POU2F1: variants seen among roughly 807,000 people sequenced by gnomAD.
POU2F1 encodes POU domain, class 2, transcription factor 1.
In POU2F1, 16 loss-of-function variants were observed where a neutral mutation model predicts 84.9. The ratio of observed to expected loss-of-function variants is 0.19; its 90% confidence interval spans 0.13 to 0.29. POU2F1 has a LOEUF of 0.29. Among genes scored for constraint, POU2F1 ranks in the 10% least tolerant of loss-of-function variants. The pLI is 1.00. For synonymous variants in POU2F1, 368 were observed against 368.3 expected (o/e 1.00, Z 0.01); for missense variants, 738 against 942.6 (o/e 0.78, Z 2.84).
At chr1:167,269,349 GT>G (rs1652199189) in intron 1 of POU2F1, among the ~76,000 whole-genome samples, 1 of 152,156 alleles carries the variant, frequency 6.6e-6, no homozygotes. Context: ...ACTGTTAACC[GT>G]TGAGAAAAAC....
intron 1 of POU2F1, among the ~76,000 whole-genome samples, chr1:167,330,389 C>T (rs1657001635): frequency 6.6e-6 from 1 of 152,066 alleles, no homozygotes; most frequent in South Asian, 2.1e-4. Context: ...CAGTAAAAGC[C>T]ACTATGTAAA....
At chr1:167,361,895 GT>G (rs1214120019) in intron 2 of POU2F1, among the ~76,000 whole-genome samples, 1 of 151,644 alleles carries the variant, frequency 6.6e-6, no homozygotes, top group Non-Finnish European at 1.5e-5. Context: ...ATCTTGAATG[GT>G]TTTTTTTCTA....
intron 15 of POU2F1, among the ~76,000 whole-genome samples, chr1:167,415,070 C>G (rs1650212512): frequency 6.6e-6 from 1 of 152,228 alleles, no homozygotes; most frequent in African/African-American, 2.4e-5. Context: ...ATGCCCACCA[C>G]TCACCTCCTG....
At chr1:167,363,715 G>A (rs139289513) in intron 2 of POU2F1, among the ~76,000 whole-genome samples, 1 of 152,154 alleles carries the variant, frequency 6.6e-6, no homozygotes, top group Non-Finnish European at 1.5e-5. Flanking sequence ...TCTATTTGTG[G>A]AAGACTTTAG....
chr1:167,308,949 T>C (rs964820044), intron 1 of POU2F1, among the ~76,000 whole-genome samples: 1 of 152,254 alleles, frequency 6.6e-6, no homozygotes, highest in Non-Finnish European at 1.5e-5. Context: ...TATATCTGTA[T>C]GGACTCATGA....
At chr1:167,355,383 T>C (rs1231509099) in intron 2 of POU2F1, among the ~76,000 whole-genome samples, 1 of 152,174 alleles carries the variant, frequency 6.6e-6, no homozygotes, top group East Asian at 1.9e-4. Context: ...TTGATCCCTA[T>C]GCTAATACCA....
In POU2F1 at chr1:167,381,682, C is replaced by G. The variant is rs150027978; in HGVS notation, c.719-2175C>G. On this transcript the variant is annotated intron_variant, in intron 7 of 15. Coordinates refer to ENST00000367866, the MANE Select transcript of POU2F1 (RefSeq NM_002697.4). ...CTGGAGTACAGTGGCGCAGTCTTGT[C>G]TTAACACAACCTCTGCCTCCTGGGT... Among the ~76,000 whole-genome samples the G allele has an allele frequency of 6.5e-3, 777 of 118,692 alleles. 10 individuals carry two copies. The highest frequency in any genetic ancestry group is 0.024 in the African/African-American group (747 of 30,636). 77.9% of individuals were successfully genotyped at this position (118,692 alleles called of 152,430 possible).
intron 2 of POU2F1, among the ~76,000 whole-genome samples, chr1:167,364,388 G>A (rs1447836470): frequency 1.3e-5 from 2 of 148,912 alleles, no homozygotes; most frequent in African/African-American, 4.9e-5. Flanking sequence ...AAATTAGCCG[G>A]GCGTAGTGGC....
At chr1:167,250,115 A>C (rs938867201) in intron 1 of POU2F1, among the ~76,000 whole-genome samples, 5 of 152,180 alleles carry the variant, frequency 3.3e-5, no homozygotes, top group Admixed American at 2.6e-4. Context: ...CTAACATAAC[A>C]CTTAACATTA....
chr1:167,299,338 T>C (rs1654499621), intron 1 of POU2F1, among the ~76,000 whole-genome samples: 1 of 152,186 alleles, frequency 6.6e-6, no homozygotes, highest in Non-Finnish European at 1.5e-5. Context: ...AAAAAAATCT[T>C]ACAAGTAGTG....
intron 1 of POU2F1, among the ~76,000 whole-genome samples, chr1:167,231,266 A>G: frequency 6.6e-6 from 1 of 152,298 alleles, no homozygotes; most frequent in East Asian, 1.9e-4. Flanking sequence ...GGAATTATTC[A>G]GAAACATCTT....
At chr1:167,304,147 A>G (rs1654896160) in intron 1 of POU2F1, among the ~76,000 whole-genome samples, 1 of 152,178 alleles carries the variant, frequency 6.6e-6, no homozygotes, top group Non-Finnish European at 1.5e-5. Context: ...ATTTTTAAGT[A>G]CTTTAAATAT....
chr1:167,399,710 A>T (rs1026827166), intron 12 of POU2F1, among the ~76,000 whole-genome samples: 1 of 151,900 alleles, frequency 6.6e-6, no homozygotes, highest in African/African-American at 2.4e-5. Context: ...GTCTCATTCC[A>T]TCACCCAGGC....
At chr1:167,399,971 T>C (rs1466223409) in intron 12 of POU2F1, among the ~76,000 whole-genome samples, 1 of 15,800 alleles carries the variant, frequency 6.3e-5, no homozygotes. Flanking sequence ...TCCCAGTCTT[T>C]TTTTTTTTTT....
At chr1:167,345,766 C>G (rs1482300284) in intron 2 of POU2F1, among the ~76,000 whole-genome samples, 1 of 152,098 alleles carries the variant, frequency 6.6e-6, no homozygotes, top group Non-Finnish European at 1.5e-5. Context: ...TTCTGGTTTT[C>G]TTGGTCTTCA....
chr1:167,315,587 G>A (rs1213878700), intron 1 of POU2F1, among the ~76,000 whole-genome samples: 1 of 152,118 alleles, frequency 6.6e-6, no homozygotes, highest in Non-Finnish European at 1.5e-5. Flanking sequence ...ACCAGCTTGA[G>A]CAACATAGTG....
At chr1:167,243,256 T>C (rs1377492138) in intron 1 of POU2F1, among the ~76,000 whole-genome samples, 1 of 152,210 alleles carries the variant, frequency 6.6e-6, no homozygotes, top group Non-Finnish European at 1.5e-5. Flanking sequence ...TTAGGCATTG[T>C]TTTAGGCACT....
intron 1 of POU2F1, among the ~76,000 whole-genome samples, chr1:167,319,958 G>A (rs917088709): frequency 6.6e-6 from 1 of 152,152 alleles, no homozygotes; most frequent in African/African-American, 2.4e-5. Context: ...ATTAACATGG[G>A]TTAAATTGTA....
chr1:167,370,835 T>G (rs1232931136), intron 4 of POU2F1, among the ~76,000 whole-genome samples: 2 of 152,192 alleles, frequency 1.3e-5, no homozygotes, highest in Non-Finnish European at 2.9e-5. Context: ...AATCAAAATC[T>G]TAAAACTTAA....
Sources: allele counts gnomAD v4.1 joint callset (sites outside exome capture counted in the v4.1 genomes callset), GRCh38; gene constraint gnomAD v4.1.1; transcripts MANE v1.5; gene names NCBI Gene and HGNC (gene_info 2026-07-23, HGNC 2026-07-21).